The following CDKL3 variants were observed in gnomAD, a reference collection of about 807,000 sequenced individuals.
CDKL3 encodes the protein cyclin-dependent kinase-like 3.
Under a neutral mutation model 69.3 loss-of-function variants are expected in CDKL3, and 65 were observed. The observed-to-expected ratio is 0.94, with a 90% confidence interval of 0.77 to 1.15. CDKL3 has a LOEUF of 1.15. Among genes scored for constraint, CDKL3 ranks in the 50% most tolerant of loss-of-function variants. The pLI is 0.00. For synonymous variants in CDKL3, 202 were observed against 221.6 expected, an observed-to-expected ratio of 0.91 and a Z score of 0.79; for missense variants, 652 against 689.2, an observed-to-expected ratio of 0.95 and a Z score of 0.61.
chr5:134,363,197 T>C (rs999732944), intron 2 of CDKL3, among the ~76,000 whole-genome samples: 4 of 152,248 alleles, frequency 2.6e-5, no homozygotes, highest in Non-Finnish European at 5.9e-5. Flanking sequence ...TTATCTATAG[T>C]ATTATGTTTT....
downstream of CDKL3, among the ~76,000 whole-genome samples, chr5:134,296,639 A>C (rs1765363326): frequency 2.0e-5 from 3 of 152,174 alleles, no homozygotes; most frequent in Admixed American, 2.0e-4. Flanking sequence ...TAAGGTCTAT[A>C]GTTGCTTATC....
At chr5:134,316,234 G>A (rs1771021709) in intron 6 of CDKL3, among the ~76,000 whole-genome samples, 1 of 152,152 alleles carries the variant, frequency 6.6e-6, no homozygotes, top group Non-Finnish European at 1.5e-5. Context: ...TTATAGGCAT[G>A]AGCCCCTGCC....
intron 4 of CDKL3, among the ~76,000 whole-genome samples, chr5:134,328,881 A>G (rs1213047760): frequency 6.6e-6 from 1 of 152,206 alleles, no homozygotes; most frequent in Non-Finnish European, 1.5e-5. Context: ...CCTCTCAACA[A>G]AAACGCCTAT....
downstream of CDKL3, among the ~76,000 whole-genome samples, chr5:134,284,244 A>G (rs183683633): frequency 6.6e-6 from 1 of 152,348 alleles, no homozygotes; most frequent in Admixed American, 6.5e-5. Flanking sequence ...GAGAAAGAGT[A>G]CAAAAGAGAG....
intron 4 of CDKL3, among the ~76,000 whole-genome samples, chr5:134,330,967 T>C (rs1775643270): frequency 6.6e-6 from 1 of 152,228 alleles, no homozygotes; most frequent in East Asian, 1.9e-4. Flanking sequence ...GTCACAGTTT[T>C]TCAAAGAAAT....
At chr5:134,369,645 A>G (rs940861748), upstream of CDKL3, among the ~76,000 whole-genome samples, 1 of 152,092 alleles carries the variant, frequency 6.6e-6, no homozygotes, top group African/African-American at 2.4e-5. Context: ...ATGATGGCTC[A>G]CTGCAGCTTC....
chr5:134,342,472 C>T (rs1325779364), intron 4 of CDKL3, among the ~76,000 whole-genome samples: 3 of 151,890 alleles, frequency 2.0e-5, no homozygotes, highest in Non-Finnish European at 2.9e-5. Context: ...TAGTGGCGGA[C>T]GCTTGTAGTC....
At chr5:134,336,860 A>G (rs1777237542) in intron 4 of CDKL3, among the ~76,000 whole-genome samples, 1 of 152,188 alleles carries the variant, frequency 6.6e-6, no homozygotes. Flanking sequence ...TGCTCTCTTC[A>G]GAGCTGTCAG....
intron 4 of CDKL3, among the ~76,000 whole-genome samples, chr5:134,323,282 A>C (rs1384476763): frequency 3.3e-5 from 5 of 152,212 alleles, no homozygotes; most frequent in Admixed American, 3.3e-4. Context: ...CAACGTATAT[A>C]TATACCTCAA....
At chr5:134,337,775 T>C (rs771741001) in intron 4 of CDKL3, among the ~76,000 whole-genome samples, 7 of 152,224 alleles carry the variant, frequency 4.6e-5, no homozygotes, top group Non-Finnish European at 8.8e-5. Flanking sequence ...TCAAGCTTCA[T>C]CATGAATTTG....
chr5:134,348,421 TA>T (rs1752467043), intron 4 of CDKL3, among the ~76,000 whole-genome samples: 1 of 152,122 alleles, frequency 6.6e-6, no homozygotes, highest in Non-Finnish European at 1.5e-5. Flanking sequence ...TCTTTTACAA[TA>T]AAAGTTTTCA....
Position 134,350,316 on chromosome 5 carries a change from T to C in CDKL3, c.472A>G (p.Thr158Ala). 1 of 1,594,964 alleles carries C rather than the reference T, an allele frequency of 6.3e-7. No individual in the cohort carries two copies. The highest frequency in any genetic ancestry group is 8.5e-7 in the Non-Finnish European group (1 of 1,170,404). The change falls in exon 4 of 13, where the codon ACG (threonine) becomes GCG (alanine). Residue 158 changes from threonine (T) to alanine (A), a missense_variant. Thr to Ala is a moderately conservative substitution (Grantham distance 58). Coordinates refer to ENST00000265334, the MANE Select transcript of CDKL3 (RefSeq NM_001113575.2). ...TACCAGCGTGTGGCCACATAGTCCGTATAAATGTCCCCAGGAGCTGCTAGT... is the reference window on the plus strand; with the variant it reads ...TACCAGCGTGTGGCCACATAGTCCGCATAAATGTCCCCAGGAGCTGCTAGT... ...RTLAAPGDIY[T>A]DYVATRWYRA...
chr5:134,370,693 A>G (rs1420786874), upstream of CDKL3, among the ~76,000 whole-genome samples: 1 of 152,220 alleles, frequency 6.6e-6, no homozygotes, highest in Non-Finnish European at 1.5e-5. Flanking sequence ...CCCCACTGCA[A>G]AGCAGAAAGA....
intron 2 of CDKL3, among the ~76,000 whole-genome samples, chr5:134,364,973 A>AT (rs746415237): frequency 0.014 from 1,848 of 133,938 alleles, 9 homozygotes; most frequent in Non-Finnish European, 0.02. Flanking sequence ...TGCCTGGCTA[A>AT]TTTTTTTTTT....
intron 8 of CDKL3, among the ~76,000 whole-genome samples, chr5:134,291,511 C>T (rs2149404409): frequency 6.6e-6 from 1 of 152,318 alleles, no homozygotes; most frequent in Non-Finnish European, 1.5e-5. Context: ...TGGCTTACGC[C>T]TGTAATCCCA....
chr5:134,322,045 A>C, intron 4 of CDKL3, 142 bp from the exon 5 acceptor site: 1 of 607,756 alleles, frequency 1.6e-6, no homozygotes, highest in Non-Finnish European at 2.9e-6. Flanking sequence ...TTCGAGACCG[A>C]GTCTTGCTCT....
intron 4 of CDKL3, among the ~76,000 whole-genome samples, chr5:134,326,703 C>T (rs911495150): frequency 6.6e-6 from 1 of 151,042 alleles, no homozygotes; most frequent in African/African-American, 2.4e-5. Flanking sequence ...TGCAATGGCG[C>T]AGTCTCAGCT....
intron 8 of CDKL3, among the ~76,000 whole-genome samples, chr5:134,289,681 G>A (rs1765037832): frequency 6.6e-6 from 1 of 152,136 alleles, no homozygotes; most frequent in Non-Finnish European, 1.5e-5. Flanking sequence ...TAGGGTCAGA[G>A]GGTGACTCCA....
At chr5:134,315,492 CTA>C (rs943536650) in intron 6 of CDKL3, among the ~76,000 whole-genome samples, 2 of 152,072 alleles carry the variant, frequency 1.3e-5, no homozygotes, top group Non-Finnish European at 2.9e-5. Flanking sequence ...TCACGACACC[CTA>C]TGTTTAGAGA....
Sources: gnomAD v4.1 joint callset for allele counts (sites outside exome capture counted in the v4.1 genomes callset) on GRCh38, gnomAD v4.1.1 for gene constraint, MANE v1.5 for transcripts, NCBI Gene and HGNC (gene_info 2026-07-23, HGNC 2026-07-21) for gene names.